PTPRK: variants seen among roughly 807,000 people sequenced by gnomAD.
PTPRK encodes the protein protein tyrosine phosphatase receptor type K.
Under a neutral mutation model 178.0 loss-of-function variants are expected in PTPRK, and 75 were observed. That is an observed-to-expected ratio of 0.42 (90% CI 0.35 to 0.51). PTPRK has a LOEUF of 0.51. Among genes scored for constraint, PTPRK ranks in the 20% least tolerant of loss-of-function variants. The probability of loss-of-function intolerance (pLI) is 0.02; values close to 1 mark genes in which losing one functional copy is unlikely to be tolerated. For missense variants in PTPRK, 1,441 were observed against 1,797.8 expected, an observed-to-expected ratio of 0.80 and a Z score of 3.59; for synonymous variants, 637 against 620.6, an observed-to-expected ratio of 1.03 and a Z score of -0.39.
chr6:128,516,151 A>G (rs1857979635), intron 1 of PTPRK, among the ~76,000 whole-genome samples: 1 of 152,130 alleles, frequency 6.6e-6, no homozygotes, highest in Admixed American at 6.5e-5. Flanking sequence ...GTGTATATAT[A>G]TGTGGGGCTC....
chr6:128,413,686 C>T (rs143549726), intron 1 of PTPRK, among the ~76,000 whole-genome samples: 17 of 152,216 alleles, frequency 1.1e-4, no homozygotes, highest in East Asian at 3.9e-4. Context: ...CACTGGAAAT[C>T]GGAATTGAGA....
intron 7 of PTPRK, among the ~76,000 whole-genome samples, chr6:128,098,487 C>T (rs1031986596): frequency 1.3e-5 from 2 of 152,024 alleles, no homozygotes; most frequent in Non-Finnish European, 2.9e-5. Flanking sequence ...CCGAGTCGTA[C>T]CAGCAGAAGC....
At chr6:128,033,912 G>A (rs1396039145) in intron 13 of PTPRK, among the ~76,000 whole-genome samples, 1 of 152,026 alleles carries the variant, frequency 6.6e-6, no homozygotes, top group Admixed American at 6.5e-5. Context: ...CACAAGTCAG[G>A]AATAGTTCAG....
At chr6:128,451,539 G>A (rs1158202920) in intron 1 of PTPRK, among the ~76,000 whole-genome samples, 1 of 151,950 alleles carries the variant, frequency 6.6e-6, no homozygotes, top group African/African-American at 2.4e-5. Context: ...GAGATTGAAT[G>A]CAGAAGAGGT....
chr6:128,196,670 A>G (rs1213538542), intron 6 of PTPRK, among the ~76,000 whole-genome samples: 1 of 152,200 alleles, frequency 6.6e-6, no homozygotes, highest in Non-Finnish European at 1.5e-5. Flanking sequence ...TCTAGAGCAC[A>G]AGTAATGCAA....
At chr6:128,340,500 G>A (rs1042808745) in intron 2 of PTPRK, among the ~76,000 whole-genome samples, 6 of 152,164 alleles carry the variant, frequency 3.9e-5, no homozygotes, top group African/African-American at 1.4e-4. Flanking sequence ...TAGAGTTTAA[G>A]GGTAAACTCC....
intron 1 of PTPRK, among the ~76,000 whole-genome samples, chr6:128,476,630 T>C (rs759222420): frequency 6.6e-4 from 100 of 152,022 alleles, no homozygotes; most frequent in Non-Finnish European, 1.1e-3. Context: ...GTGTATACCA[T>C]ATATATATTT....
intron 25 of PTPRK, among the ~76,000 whole-genome samples, chr6:127,978,847 G>C (rs1315864418): frequency 6.6e-6 from 1 of 152,144 alleles, no homozygotes; most frequent in Non-Finnish European, 1.5e-5. Context: ...TCATAGACCT[G>C]GCAAAAGGGT....
At chr6:128,064,024 T>C (rs1358592213) in intron 13 of PTPRK, among the ~76,000 whole-genome samples, 1 of 152,200 alleles carries the variant, frequency 6.6e-6, no homozygotes, top group Admixed American at 6.5e-5. Flanking sequence ...AGACAGCTTT[T>C]TCATGTTTCT....
At chr6:128,059,361 C>A (rs930907277) in intron 13 of PTPRK, among the ~76,000 whole-genome samples, 8 of 152,034 alleles carry the variant, frequency 5.3e-5, no homozygotes, top group Non-Finnish European at 1.2e-4. Flanking sequence ...CTATCTTTCA[C>A]CAGATATATT....
At chr6:128,300,553 C>G (rs1245407133) in intron 3 of PTPRK, among the ~76,000 whole-genome samples, 1 of 151,966 alleles carries the variant, frequency 6.6e-6, no homozygotes, top group Admixed American at 6.6e-5. Context: ...AGTTCATGTC[C>G]TTTGTAGGGA....
intron 3 of PTPRK, among the ~76,000 whole-genome samples, chr6:128,304,659 G>A (rs150965830): frequency 4.9e-4 from 74 of 152,188 alleles, no homozygotes; most frequent in Non-Finnish European, 8.5e-4. Flanking sequence ...GTTTAATAAC[G>A]ATGATTACCT....
At chr6:128,206,528 T>C (rs1445736051) in intron 6 of PTPRK, among the ~76,000 whole-genome samples, 2 of 152,006 alleles carry the variant, frequency 1.3e-5, no homozygotes, top group Admixed American at 1.3e-4. Flanking sequence ...TATTAATTGT[T>C]AAAACTCGCT....
intron 13 of PTPRK, among the ~76,000 whole-genome samples, chr6:128,044,396 G>A (rs6941538): frequency 0.028 from 4,265 of 152,036 alleles, 215 homozygotes; most frequent in African/African-American, 0.099. Context: ...CACACTCTGA[G>A]GAGCTTACAA....
Position 128,009,201 on chromosome 6 carries a change from T to C in PTPRK, c.2262A>G (p.Ile754Met). The change falls in exon 14 of 30, where the codon ATA becomes ATG. Residue 754 changes from isoleucine (I) to methionine (M), a missense_variant. Transcript: ENST00000368226. ...CCAAAATTCCAGCACTAATTCCTGCTATTTTCACCACTCTGTCTGTCTGCT... is the reference window on the plus strand; with the variant it reads ...CCAAAATTCCAGCACTAATTCCTGCCATTTTCACCACTCTGTCTGTCTGCT... ...PAKQTDRVVK[I>M]AGISAGILVF... 1 of 1,609,270 alleles carries C rather than the reference T, an allele frequency of 6.2e-7. No individual in the cohort carries two copies. The highest frequency in any genetic ancestry group is 8.5e-7 in the Non-Finnish European group (1 of 1,176,936).
At chr6:128,312,413 T>C (rs1040066464) in intron 3 of PTPRK, among the ~76,000 whole-genome samples, 7 of 151,596 alleles carry the variant, frequency 4.6e-5, no homozygotes, top group African/African-American at 1.7e-4. Flanking sequence ...CTTGGGGGAG[T>C]AGAAGTGAGA....
At chr6:128,127,228 C>T (rs542658543) in intron 7 of PTPRK, among the ~76,000 whole-genome samples, 1 of 152,200 alleles carries the variant, frequency 6.6e-6, no homozygotes, top group South Asian at 2.1e-4. Context: ...TGTAGTACTC[C>T]AACTTTTTGT....
chr6:128,008,627 A>G (rs1328837457), intron 14 of PTPRK, among the ~76,000 whole-genome samples: 1 of 151,152 alleles, frequency 6.6e-6, no homozygotes, highest in East Asian at 1.9e-4. Flanking sequence ...TTCAATTAAA[A>G]CAATTTACTC....
chr6:128,344,798 G>A (rs1288463834), intron 2 of PTPRK, among the ~76,000 whole-genome samples: 2 of 152,122 alleles, frequency 1.3e-5, no homozygotes, highest in African/African-American at 4.8e-5. Context: ...CTACAGGCAT[G>A]AGCCACTGTG....
Sources: gnomAD v4.1 joint callset for allele counts (sites outside exome capture counted in the v4.1 genomes callset) on GRCh38, gnomAD v4.1.1 for gene constraint, MANE v1.5 for transcripts, NCBI Gene and HGNC (gene_info 2026-07-23, HGNC 2026-07-21) for gene names.